The following MTG2 variants were observed in gnomAD, a reference collection of about 807,000 sequenced individuals.
MTG2 encodes the protein mitochondrial ribosome-associated GTPase 2.
MTG2 carries 23 observed loss-of-function variants against 28.6 expected under a neutral mutation model. The observed-to-expected ratio is 0.80, with a 90% CI of 0.58 to 1.14. MTG2 has a LOEUF of 1.14. Ranked by LOEUF, MTG2 falls within the 50% of genes most tolerant of loss-of-function variation. The pLI is 0.00. For missense variants in MTG2, 539 were observed against 552.0 expected (o/e 0.98, Z 0.24); for synonymous variants, 260 against 251.8 (o/e 1.03, Z -0.31).
At position 62,197,974 on chromosome 20, in the gene MTG2, CGA is replaced by C; in HGVS notation, c.468+10_468+11del. 6.2e-7 allele frequency: 1 copy of C among 1,610,888 alleles called. No homozygotes were observed. Among genetic ancestry groups the C allele is most frequent in the Non-Finnish European group, 8.5e-7 (1 of 1,177,314 alleles). ...CGCCGTCCTCTACATCCGGGTGAGC[CGA>C]GACTGCCGGACCTGGCCCTGTCCCC... is the stretch of plus-strand genomic sequence containing the variant. On this transcript the variant is annotated splice_region_variant and intron_variant, in intron 4 of 6. Coordinates refer to ENST00000370823, the MANE Select transcript of MTG2 (RefSeq NM_015666.4).
chr20:62,194,925 A>G (rs1001688381), intron 2 of MTG2, among the ~76,000 whole-genome samples: 8 of 152,236 alleles, frequency 5.3e-5, no homozygotes, highest in Non-Finnish European at 1.0e-4. Context: ...AGCCGGGCAC[A>G]GTGGCTCACG....
chr20:62,187,024 C>T (rs1032371177), intron 1 of MTG2, among the ~76,000 whole-genome samples: 8 of 152,208 alleles, frequency 5.3e-5, no homozygotes, highest in African/African-American at 1.7e-4. Flanking sequence ...AGCTGTCGGC[C>T]GGCCCTACGT....
chr20:62,197,106 CA>C (rs1455870026), intron 3 of MTG2: 2 of 148,748 alleles, frequency 1.3e-5, no homozygotes, highest in Non-Finnish European at 3.0e-5. Flanking sequence ...CCCAAAAAAG[CA>C]ACTTTGAGGC....
intron 1 of MTG2, among the ~76,000 whole-genome samples, chr20:62,185,210 A>G (rs1043110702): frequency 5.3e-5 from 8 of 151,930 alleles, no homozygotes; most frequent in Non-Finnish European, 1.2e-4. Flanking sequence ...TCAGGAGTTC[A>G]AGACCAGCCT....
At chr20:62,194,432 G>A (rs947221857) in intron 2 of MTG2, among the ~76,000 whole-genome samples, 6 of 152,228 alleles carry the variant, frequency 3.9e-5, no homozygotes, top group Non-Finnish European at 7.3e-5. Flanking sequence ...CCTCCACGAA[G>A]TGCTCACCAG....
Position 62,200,855 on chromosome 20 carries a change from G to A in MTG2, c.999G>A (p.Lys333=). The part of the protein sequence containing the change: ...DLKYELEMYE[K]GLSARPHAIV... ...AATATGAACTGGAGATGTATGAAAA[G>A]GGCCTGTCTGCGAGGCCCCACGCAA... is the stretch of plus-strand genomic sequence containing the variant. The change falls in exon 7 of 7, where the codon AAG becomes AAA. Residue 333 remains lysine, a synonymous_variant. Transcript: ENST00000370823. The A allele has an allele frequency of 6.2e-7, 1 of 1,614,000 alleles. No homozygotes were observed. Among genetic ancestry groups the A allele is most frequent in the South Asian group, 1.1e-5 (1 of 91,088 alleles).
chr20:62,200,777 G>A lies in MTG2; in HGVS notation c.921G>A (p.Leu307=). ...LRHIERCRFL[L]FVVDLSQPEP... is the part of the protein sequence containing the mutation. ...ACATCGAGCGCTGCCGCTTTCTCTT[G>A]TTCGTGGTGGATCTTTCTCAGCCTG... is the stretch of plus-strand genomic sequence containing the variant. Residue 307 remains leucine (L), a synonymous_variant, in exon 7 of 7, where the codon TTG becomes TTA. Transcript: ENST00000370823. The A allele has an allele frequency of 1.2e-6, 2 of 1,613,868 alleles. No homozygotes were observed. Among genetic ancestry groups the A allele is most frequent in the Non-Finnish European group, 1.7e-6 (2 of 1,180,052 alleles).
intron 1 of MTG2, 37 bp downstream of exon 1, chr20:62,183,094 G>C (rs966960083): frequency 1.3e-5 from 2 of 150,440 alleles, no homozygotes; most frequent in Admixed American, 6.6e-5. Flanking sequence ...GCGTGGGCCT[G>C]GGGGGTGGTC....
rs1384663134 is a variant in MTG2 at position 62,203,093 on chromosome 20, A to G, written c.*2016A>G. 1 of 152,196 alleles carries G rather than the reference A, an allele frequency of 6.6e-6. No individual in the cohort carries two copies. Among genetic ancestry groups the G allele is most frequent in the Admixed American group, 6.5e-5 (1 of 15,276 alleles). The allele number at this position is 152,196 out of a possible 1,614,324, so 9.4% of individuals were successfully genotyped here. ...TTGCTTTTTCTTTCAGGCCGCCACA[A>G]AGGATTTTGTGGAGTCGCCCCAGGC... On this transcript the variant is annotated 3_prime_UTR_variant, in exon 7 of 7. Transcript: ENST00000370823.
rs768368919 is a variant in MTG2 at position 62,199,221 on chromosome 20, G to A, written c.790G>A (p.Gly264Arg). 8.7e-6 allele frequency: 14 copies of A among 1,614,024 alleles called. No individual in the cohort carries two copies. The highest frequency in any genetic ancestry group is 1.1e-5 in the Non-Finnish European group (13 of 1,180,016). ...YPFTTLKPHV[G>R]IVHYEGHLQI... The stretch of plus-strand genomic sequence containing the variant: ...GTTCACCACCCTGAAGCCCCACGTC[G>A]GGATCGTCCACTACGAAGGCCACCT... The change falls in exon 6 of 7, where the codon GGG becomes AGG. Residue 264 changes from glycine (G) to arginine (R), a missense_variant. Transcript: ENST00000370823.
At chr20:62,186,705 T>A (rs1187276679) in intron 1 of MTG2, among the ~76,000 whole-genome samples, 1 of 152,074 alleles carries the variant, frequency 6.6e-6, no homozygotes, top group African/African-American at 2.4e-5. Context: ...ATTTTTATAT[T>A]TTTAGTAGAG....
Position 62,195,934 on chromosome 20 carries a change from CACGTCATTCTGAGA to C in MTG2, c.338_351del (p.His113ArgfsTer2). The C allele has an allele frequency of 6.2e-7, 1 of 1,614,122 alleles. No homozygotes were observed. The highest frequency in any genetic ancestry group is 8.5e-7 in the Non-Finnish European group (1 of 1,180,024). Reference sequence around the variant, plus strand: ...TGGAGGGGACGGAGGCAACGGTGGACACGTCATTCTGAGAGGCAGGTGCCCTGGGGCAGTGCAGC... The same window carrying C: ...TGGAGGGGACGGAGGCAACGGTGGACGGCAGGTGCCCTGGGGCAGTGCAGC... On this transcript the variant is annotated frameshift_variant and splice_region_variant, in exon 3 of 7. Coordinates refer to ENST00000370823, the MANE Select transcript of MTG2 (RefSeq NM_015666.4). LOFTEE classifies it high-confidence loss of function.
intron 6 of MTG2, among the ~76,000 whole-genome samples, 175 bp from the exon 7 acceptor site, chr20:62,200,508 G>T (rs554770412): frequency 3.1e-4 from 47 of 151,784 alleles, no homozygotes; most frequent in African/African-American, 1.1e-3. Flanking sequence ...AATCACCCAG[G>T]TGCTAAATCA....
intron 1 of MTG2, among the ~76,000 whole-genome samples, chr20:62,191,325 G>A (rs1038624610): frequency 3.9e-5 from 6 of 152,108 alleles, no homozygotes; most frequent in Admixed American, 2.6e-4. Flanking sequence ...CACGTGGGAG[G>A]GGCTGTCGGT....
intron 3 of MTG2, 52 bp downstream of exon 3, chr20:62,196,001 A>G (rs1568788184): frequency 6.3e-7 from 1 of 1,598,636 alleles, no homozygotes; most frequent in Non-Finnish European, 8.5e-7. Flanking sequence ...CCGAGACTGC[A>G]TGTGCATTTG....
chr20:62,183,798 C>T (rs1025961603), intron 1 of MTG2, among the ~76,000 whole-genome samples: 3 of 152,222 alleles, frequency 2.0e-5, no homozygotes, highest in Non-Finnish European at 2.9e-5. Flanking sequence ...GTTTTAAACG[C>T]AGGTTCGTCC....
At chr20:62,197,395 T>TAAA (rs10625260) in intron 3 of MTG2, 38 of 148,682 alleles carry the variant, frequency 2.6e-4, no homozygotes, top group South Asian at 1.4e-3. Context: ...AGACTCTGTC[T>TAAA]AAAAAAAAAA....
chr20:62,184,369 CAA>C (rs11477749), intron 1 of MTG2, among the ~76,000 whole-genome samples: 11 of 147,070 alleles, frequency 7.5e-5, no homozygotes, highest in East Asian at 5.9e-4. Flanking sequence ...AAAACATACC[CAA>C]AAAAAAAAAA....
chr20:62,200,910 G>A lies in MTG2; in HGVS notation c.1054G>A (p.Ala352Thr). The A allele has an allele frequency of 6.2e-7, 1 of 1,614,040 alleles. No individual in the cohort carries two copies. Residue 352 changes from alanine to threonine, a missense_variant, in exon 7 of 7, where the codon GCC becomes ACC. By Grantham distance (58) the Ala-to-Thr change is moderately conservative. Coordinates refer to ENST00000370823, the MANE Select transcript of MTG2 (RefSeq NM_015666.4). ...CGCAAACAAGATTGACCTCCCTGAAGCCCAAGCCAATCTGTCCCAGCTCCG... is the reference window on the plus strand; with the variant it reads ...CGCAAACAAGATTGACCTCCCTGAAACCCAAGCCAATCTGTCCCAGCTCCG... Reference protein sequence around the residue: ...IVANKIDLPEAQANLSQLRDH... With the variant: ...IVANKIDLPETQANLSQLRDH...
Sources: allele counts gnomAD v4.1 joint callset (sites outside exome capture counted in the v4.1 genomes callset), GRCh38; gene constraint gnomAD v4.1.1; transcripts MANE v1.5; gene names NCBI Gene and HGNC (gene_info 2026-07-23, HGNC 2026-07-21).